Variants in COP1 observed in about 807,000 individuals in gnomAD.
COP1 encodes the protein COP1 E3 ubiquitin ligase.
A neutral mutation model predicts 101.3 loss-of-function variants in COP1; 24 were observed. That is an observed-to-expected ratio of 0.24 (90% CI 0.17 to 0.33). The LOEUF (loss-of-function observed/expected upper bound fraction) is 0.33, where lower values mean the gene tolerates loss of function less well. Among genes scored for constraint, COP1 ranks in the 10% least tolerant of loss-of-function variants. The probability of loss-of-function intolerance (pLI) is 1.00; values close to 1 mark genes in which losing one functional copy is unlikely to be tolerated. For missense variants in COP1, 663 were observed against 906.2 expected (o/e 0.73, Z 3.45); for synonymous variants, 347 against 341.9 (o/e 1.01, Z -0.17).
At chr1:176,203,725 G>A (rs1368552940) in intron 1 of COP1, among the ~76,000 whole-genome samples, 2 of 152,122 alleles carry the variant, frequency 1.3e-5, no homozygotes, top group Non-Finnish European at 2.9e-5. Context: ...TCAATCTTTT[G>A]TGTAAAATAA....
At chr1:176,141,512 A>G (rs1021131487) in intron 6 of COP1, among the ~76,000 whole-genome samples, 1 of 152,034 alleles carries the variant, frequency 6.6e-6, no homozygotes, top group Non-Finnish European at 1.5e-5. Flanking sequence ...AAAAATACAT[A>G]CATACATACA....
intron 9 of COP1, among the ~76,000 whole-genome samples, chr1:176,090,427 A>G (rs535416299): frequency 6.6e-6 from 1 of 152,258 alleles, no homozygotes; most frequent in Admixed American, 6.5e-5. Context: ...CTCCAAATAA[A>G]CTTCTTTAAA....
chr1:176,111,084 G>A lies in COP1; in HGVS notation c.1026+5540C>T, dbSNP rs549640931. Among the ~76,000 whole-genome samples the A allele has an allele frequency of 1.8e-4, 28 of 152,148 alleles. No homozygotes were observed. In the East Asian group the frequency reaches 2.3e-3, roughly 13 times the overall value. ...GGAGAATCACCTGAACCCGGGAGGC[G>A]GAGGTTGCAGTAAGCTGAGATGGCG... On this transcript the variant is annotated intron_variant, in intron 9 of 19. Transcript: ENST00000367669.
At chr1:176,065,350 A>G (rs187434670) in intron 11 of COP1, among the ~76,000 whole-genome samples, 1 of 152,348 alleles carries the variant, frequency 6.6e-6, no homozygotes, top group East Asian at 1.9e-4. Context: ...AGAAGTTTTA[A>G]ATGTCTAAAA....
chr1:176,104,202 G>A (rs1683916923), intron 9 of COP1, among the ~76,000 whole-genome samples: 2 of 152,100 alleles, frequency 1.3e-5, no homozygotes, highest in South Asian at 4.1e-4. Context: ...CAAATAGATT[G>A]AGAATTTAAA....
chr1:176,128,530 A>C (rs1688407480), intron 8 of COP1, among the ~76,000 whole-genome samples: 1 of 152,058 alleles, frequency 6.6e-6, no homozygotes, highest in South Asian at 2.1e-4. Flanking sequence ...AGAATAAAAC[A>C]ATCAAATGGT....
chr1:176,174,026 AG>A (rs1354578519), intron 3 of COP1, among the ~76,000 whole-genome samples: 1 of 147,124 alleles, frequency 6.8e-6, no homozygotes, highest in Non-Finnish European at 1.5e-5. Context: ...TATATAATGT[AG>A]GGGATCACTT....
chr1:176,095,339 G>C (rs1682137479), intron 9 of COP1, among the ~76,000 whole-genome samples: 2 of 152,172 alleles, frequency 1.3e-5, no homozygotes, highest in Admixed American at 6.5e-5. Flanking sequence ...AGTTCTCTAA[G>C]ATCTTTTCAG....
intron 3 of COP1, among the ~76,000 whole-genome samples, chr1:176,165,029 T>C (rs1483988412): frequency 6.6e-6 from 1 of 152,158 alleles, no homozygotes; most frequent in African/African-American, 2.4e-5. Flanking sequence ...CTTCCCAGTA[T>C]ATCACAATGC....
chr1:175,958,683 T>C (rs1650975662), intron 18 of COP1, among the ~76,000 whole-genome samples: 1 of 151,816 alleles, frequency 6.6e-6, no homozygotes, highest in Admixed American at 6.6e-5. Context: ...TAAATAATGT[T>C]ATAGAAAAAA....
chr1:176,108,676 G>T (rs779210767), intron 9 of COP1, among the ~76,000 whole-genome samples: 2 of 151,492 alleles, frequency 1.3e-5, no homozygotes, highest in East Asian at 3.9e-4. Context: ...GATTTCTTTG[G>T]TATCTAGTAT....
intron 11 of COP1, among the ~76,000 whole-genome samples, chr1:176,076,076 G>A (rs1340735585): frequency 2.7e-5 from 4 of 149,282 alleles, no homozygotes; most frequent in Non-Finnish European, 5.9e-5. Flanking sequence ...CATGGAGGCA[G>A]AACACTAACG....
intron 15 of COP1, among the ~76,000 whole-genome samples, chr1:176,010,231 A>T (rs1395674662): frequency 6.6e-6 from 1 of 152,152 alleles, no homozygotes; most frequent in East Asian, 1.9e-4. Flanking sequence ...AGGATATTTG[A>T]CTTTTAAAAA....
At chr1:176,120,903 G>T (rs918753028) in intron 8 of COP1, among the ~76,000 whole-genome samples, 23 of 152,036 alleles carry the variant, frequency 1.5e-4, no homozygotes, top group African/African-American at 5.3e-4. Flanking sequence ...ATTATAAAGA[G>T]AAATTTTTAA....
chr1:176,155,084 A>T (rs1454685596), intron 5 of COP1, among the ~76,000 whole-genome samples: 2 of 152,200 alleles, frequency 1.3e-5, no homozygotes, highest in Non-Finnish European at 2.9e-5. Flanking sequence ...GGCATCACAG[A>T]CAACACTTTC....
At chr1:176,139,288 C>CAAAA (rs563184945) in intron 6 of COP1, among the ~76,000 whole-genome samples, 1 of 108,382 alleles carries the variant, frequency 9.2e-6, no homozygotes, top group African/African-American at 3.2e-5. Context: ...ACAAAAAAAA[C>CAAAA]AAAAAAAAAA....
intron 9 of COP1, among the ~76,000 whole-genome samples, chr1:176,110,047 C>G (rs538141926): frequency 6.6e-6 from 1 of 152,128 alleles, no homozygotes; most frequent in South Asian, 2.1e-4. Context: ...CACAGGTACT[C>G]AGAGGAGTCT....
intron 18 of COP1, among the ~76,000 whole-genome samples, chr1:175,977,896 CT>C (rs919913923): frequency 7.2e-5 from 11 of 152,038 alleles, no homozygotes; most frequent in African/African-American, 2.7e-4. Context: ...CCATCAAAAG[CT>C]TTTAAGTAAA....
At position 176,002,585 on chromosome 1, in the gene COP1, C is replaced by T. The variant is rs546864579; in HGVS notation, c.1730-13106G>A. Among the ~76,000 whole-genome samples the T allele has an allele frequency of 7.6e-5, 11 of 143,900 alleles. No homozygotes were observed. In the East Asian group the frequency reaches 2.3e-3, roughly 30 times the overall value. 94.4% of individuals were successfully genotyped at this position (143,900 alleles called of 152,430 possible). ...TGTGATCTCATTGTTCAATTCCCAC[C>T]TATGAGTGAGAATATGCAGTGTTTG... On this transcript the variant is annotated intron_variant, in intron 15 of 19. Coordinates refer to ENST00000367669, the MANE Select transcript of COP1 (RefSeq NM_022457.7).
Sources: gnomAD v4.1 joint callset for allele counts (sites outside exome capture counted in the v4.1 genomes callset) on GRCh38, gnomAD v4.1.1 for gene constraint, MANE v1.5 for transcripts, NCBI Gene and HGNC (gene_info 2026-07-23, HGNC 2026-07-21) for gene names.